PTGER3: variants seen among roughly 807,000 people sequenced by gnomAD.
PTGER3 encodes the protein prostaglandin E2 receptor EP3 subtype.
PTGER3 carries 22 observed loss-of-function variants against 34.7 expected under a neutral mutation model. The ratio of observed to expected loss-of-function variants is 0.63; its 90% CI spans 0.45 to 0.91. PTGER3 has a LOEUF of 0.91. Among genes scored for constraint, PTGER3 ranks in the 40% least tolerant of loss-of-function variants. The pLI, the probability that PTGER3 is intolerant of heterozygous loss-of-function variation, is 0.00. For synonymous variants in PTGER3, 241 were observed against 230.1 expected (o/e 1.05, Z -0.43); for missense variants, 468 against 519.4 (o/e 0.90, Z 0.96).
rs867708642 is a variant in PTGER3 at position 70,889,097 on chromosome 1, G to A, written c.*24-36238C>T. Among the ~76,000 whole-genome samples the A allele has an allele frequency of 9.2e-5, 14 of 152,130 alleles. No individual in the cohort carries two copies. The South Asian group carries it at 1.7e-3, about 18-fold the overall frequency. ...GATATATGCTAACTTGCTCTTTAGC[G>A]ACAGGCAAATTAACCCCTCAAATCT... On this transcript the variant is annotated intron_variant, in intron 4 of 4. Coordinates refer to the PTGER3 transcript ENST00000370931.
At chr1:70,978,392 A>C (rs1330861401) in intron 2 of PTGER3, among the ~76,000 whole-genome samples, 1 of 152,126 alleles carries the variant, frequency 6.6e-6, no homozygotes, top group African/African-American at 2.4e-5. Context: ...GTAGAACTAA[A>C]TTTTATATTG....
At chr1:70,965,401 G>A (rs543722819) in intron 2 of PTGER3, among the ~76,000 whole-genome samples, 1 of 152,268 alleles carries the variant, frequency 6.6e-6, no homozygotes, top group African/African-American at 2.4e-5. Flanking sequence ...GGAAATGATG[G>A]AGACCTAGAT....
intron 4 of PTGER3, among the ~76,000 whole-genome samples, chr1:70,894,669 C>T (rs1206692401): frequency 6.6e-6 from 1 of 152,140 alleles, no homozygotes; most frequent in Non-Finnish European, 1.5e-5. Context: ...CAAGCCTCAC[C>T]TTTAGGCAAA....
rs1572553449 is a variant in PTGER3, at chr1:70,887,164, G to A, written c.*24-34305C>T. 2.0e-5 allele frequency among the ~76,000 whole-genome samples: 3 copies of A among 152,192 alleles called. No individual in the cohort carries two copies. In the East Asian group the frequency reaches 5.8e-4, roughly 29 times the overall value. ...GTGAGGGCTTGAGAACAGCTGAGAG[G>A]GGAAAGGACATTTATATGGACTCTA... On this transcript the variant is annotated intron_variant, in intron 4 of 4. Coordinates refer to the PTGER3 transcript ENST00000370931.
intron 2 of PTGER3, chr1:71,009,557 T>C: frequency 1.0e-6 from 1 of 985,058 alleles, no homozygotes; most frequent in Non-Finnish European, 1.2e-6. Flanking sequence ...ATCATTCTTC[T>C]CTGTGACTCA....
chr1:71,027,110 A>G (rs1177600388), intron 1 of PTGER3, among the ~76,000 whole-genome samples: 1 of 152,172 alleles, frequency 6.6e-6, no homozygotes, highest in East Asian at 1.9e-4. Context: ...TACAACTATC[A>G]TAGGGAAAAT....
At chr1:70,897,934 G>A (rs908215205) in intron 4 of PTGER3, among the ~76,000 whole-genome samples, 1 of 152,036 alleles carries the variant, frequency 6.6e-6, no homozygotes, top group Non-Finnish European at 1.5e-5. Context: ...TTTCTGCCAA[G>A]GAGCTATACT....
At chr1:71,019,029 T>C (rs1185013251) in intron 1 of PTGER3, among the ~76,000 whole-genome samples, 1 of 152,224 alleles carries the variant, frequency 6.6e-6, no homozygotes, top group Non-Finnish European at 1.5e-5. Flanking sequence ...CTCCAAATTC[T>C]TCATCCAATT....
intron 4 of PTGER3, among the ~76,000 whole-genome samples, chr1:70,892,946 A>G (rs930820143): frequency 6.6e-6 from 1 of 152,122 alleles, no homozygotes; most frequent in African/African-American, 2.4e-5. Context: ...AGATCCTGTA[A>G]TACATATTAA....
intron 4 of PTGER3, among the ~76,000 whole-genome samples, chr1:70,891,316 G>A (rs984378051): frequency 1.3e-5 from 2 of 152,158 alleles, no homozygotes; most frequent in Non-Finnish European, 2.9e-5. Context: ...ATTTTGGAAT[G>A]CATTTCCTGA....
At chr1:70,966,146 T>C (rs1167250766), downstream of PTGER3, among the ~76,000 whole-genome samples, 1 of 152,220 alleles carries the variant, frequency 6.6e-6, no homozygotes, top group African/African-American at 2.4e-5. Context: ...TTTTCTCCTG[T>C]TCTCATGTGT....
At chr1:71,036,832 T>A (rs1165436845) in intron 1 of PTGER3, among the ~76,000 whole-genome samples, 2 of 135,940 alleles carry the variant, frequency 1.5e-5, no homozygotes, top group Non-Finnish European at 3.4e-5. Context: ...GAACGAGACT[T>A]TGTCTCAAAA....
At chr1:70,985,102 G>C (rs566261472) in intron 2 of PTGER3, among the ~76,000 whole-genome samples, 3 of 152,278 alleles carry the variant, frequency 2.0e-5, no homozygotes, top group Admixed American at 1.3e-4. Flanking sequence ...AGTGCTAGAA[G>C]AGGAGACAGC....
chr1:70,948,525 T>G (rs1650439668), downstream of PTGER3, among the ~76,000 whole-genome samples: 1 of 152,110 alleles, frequency 6.6e-6, no homozygotes, highest in African/African-American at 2.4e-5. Context: ...GTGAACTAAC[T>G]AATACAGTCG....
At chr1:70,863,790 T>C (rs537039017) in intron 4 of PTGER3, among the ~76,000 whole-genome samples, 1 of 151,812 alleles carries the variant, frequency 6.6e-6, no homozygotes, top group South Asian at 2.1e-4. Flanking sequence ...TAGGAAAACA[T>C]AAAGAATGTG....
intron 4 of PTGER3, among the ~76,000 whole-genome samples, chr1:70,900,493 A>G (rs530508272): frequency 2.0e-5 from 3 of 152,260 alleles, no homozygotes; most frequent in African/African-American, 7.2e-5. Context: ...ATGCTTTTAT[A>G]TCTCTTTTGT....
downstream of PTGER3, among the ~76,000 whole-genome samples, chr1:70,950,391 A>G (rs1031426126): frequency 4.6e-5 from 7 of 152,308 alleles, no homozygotes; most frequent in South Asian, 1.0e-3. Context: ...AATTCAGGCA[A>G]CTGATTACAA....
chr1:71,020,600 C>T (rs1024012568), intron 1 of PTGER3, among the ~76,000 whole-genome samples: 3 of 151,320 alleles, frequency 2.0e-5, no homozygotes, highest in African/African-American at 7.3e-5. Context: ...AAAAAAACTC[C>T]AAGGGGCAAA....
intron 2 of PTGER3, among the ~76,000 whole-genome samples, chr1:70,976,557 T>A (rs1653724965): frequency 6.6e-6 from 1 of 152,192 alleles, no homozygotes; most frequent in South Asian, 2.1e-4. Context: ...TTTGATCTAC[T>A]AATAGCCTTG....
Sources: gnomAD v4.1 joint callset for allele counts (sites outside exome capture counted in the v4.1 genomes callset) on GRCh38, gnomAD v4.1.1 for gene constraint, MANE v1.5 for transcripts, NCBI Gene and HGNC (gene_info 2026-07-23, HGNC 2026-07-21) for gene names.